Variants in PCDHA12 observed in about 807,000 individuals in gnomAD.
The protein encoded by PCDHA12 is protocadherin alpha-12.
Under a neutral mutation model 60.0 loss-of-function variants are expected in PCDHA12, and 44 were observed. The ratio of observed to expected loss-of-function variants is 0.73; its 90% CI spans 0.58 to 0.94. PCDHA12 has a LOEUF of 0.94. Among genes scored for constraint, PCDHA12 ranks in the 40% least tolerant of loss-of-function variants. PCDHA12 has a pLI of 0.00. For missense variants in PCDHA12, 1,276 were observed against 1,239.7 expected (o/e 1.03, Z -0.44); for synonymous variants, 569 against 553.0 (o/e 1.03, Z -0.40).
chr5:140,961,622 A>G (rs2095624628), intron 1 of PCDHA12, among the ~76,000 whole-genome samples: 1 of 152,218 alleles, frequency 6.6e-6, no homozygotes, highest in Non-Finnish European at 1.5e-5. Flanking sequence ...AAGTGCCCAT[A>G]TGAAAAACAA....
intron 1 of PCDHA12, chr5:140,883,898 C>A (rs781898009): frequency 6.2e-7 from 1 of 1,613,344 alleles, no homozygotes; most frequent in South Asian, 1.1e-5. Flanking sequence ...TGGCGTGCCG[C>A]CTCTGGGCAG....
chr5:140,951,243 A>G (rs1192486913), intron 1 of PCDHA12, among the ~76,000 whole-genome samples: 3 of 152,172 alleles, frequency 2.0e-5, no homozygotes, highest in Non-Finnish European at 4.4e-5. Context: ...ACCTTTAGGA[A>G]TGCATCACAT....
chr5:141,005,701 CA>C (rs59860837), intron 3 of PCDHA12, among the ~76,000 whole-genome samples: 201 of 7,776 alleles, frequency 0.026, no homozygotes, highest in African/African-American at 0.052. Flanking sequence ...AACTCCGTCT[CA>C]AAAAAAAAAA....
At position 140,876,440 on chromosome 5, in the gene PCDHA12, T is replaced by C. The variant is rs369023443; in HGVS notation, c.968T>C (p.Ile323Thr). 23 of 1,613,876 alleles carry C rather than the reference T, an allele frequency of 1.4e-5. No individual in the cohort carries two copies. In the Admixed American group the frequency reaches 1.5e-4, roughly 11 times the overall value. The change falls in exon 1 of 4, where the codon ATT (isoleucine) becomes ACT (threonine). Residue 323 changes from isoleucine (I) to threonine (T), a missense_variant. Transcript: ENST00000398631. ...GCCTATGAAATTCAGGTTAACGCCA[T>C]TGATAAAGGGATTCCTTCCATGGCA... ...NNAYEIQVNA[I>T]DKGIPSMAGH... is the part of the protein sequence containing the mutation.
At chr5:140,896,012 T>C (rs1554186792) in intron 1 of PCDHA12, among the ~76,000 whole-genome samples, 3 of 152,162 alleles carry the variant, frequency 2.0e-5, no homozygotes, top group African/African-American at 7.2e-5. Context: ...GGTTTCTCCA[T>C]GTTGGCCAGG....
chr5:140,948,315 G>A (rs246048), intron 1 of PCDHA12, among the ~76,000 whole-genome samples: 85,363 of 151,182 alleles, frequency 0.56, 24,689 homozygotes, highest in African/African-American at 0.69. Context: ...TTCTTGAGGG[G>A]TAATGTTTTC....
intron 1 of PCDHA12, among the ~76,000 whole-genome samples, chr5:140,912,129 A>C (rs2075781767): frequency 6.6e-6 from 1 of 152,156 alleles, no homozygotes; most frequent in Admixed American, 6.6e-5. Flanking sequence ...AGTCAGTCTA[A>C]TCTCTCCATG....
chr5:140,891,409 C>A (rs1295005747), intron 1 of PCDHA12, among the ~76,000 whole-genome samples: 1 of 148,202 alleles, frequency 6.7e-6, no homozygotes. Flanking sequence ...CGCCACCCCC[C>A]ACTCTTGCCC....
At chr5:140,924,901 A>AAAAATAAAAT (rs10667761) in intron 1 of PCDHA12, among the ~76,000 whole-genome samples, 205 of 80,488 alleles carry the variant, frequency 2.5e-3, no homozygotes, top group South Asian at 0.019. Flanking sequence ...TCTCAAAAAA[A>AAAAATAAAAT]AAAATAAAAT....
intron 1 of PCDHA12, among the ~76,000 whole-genome samples, chr5:140,938,097 A>AT (rs775272450): frequency 6.6e-6 from 1 of 151,930 alleles, no homozygotes; most frequent in Non-Finnish European, 1.5e-5. Flanking sequence ...TTATTATTGT[A>AT]TTTTTTACTT....
At position 140,875,648 on chromosome 5, in the gene PCDHA12, T is replaced by C; in HGVS notation, c.176T>C (p.Leu59Pro). 1 of 1,613,728 alleles carries C rather than the reference T, an allele frequency of 6.2e-7. No homozygotes were observed. Among genetic ancestry groups the C allele is most frequent in the Non-Finnish European group, 8.5e-7 (1 of 1,180,000 alleles). The change falls in exon 1 of 4, where the codon CTG (leucine) becomes CCG (proline). Residue 59 changes from leucine (L) to proline (P), a missense_variant. Leu to Pro is a moderately conservative substitution (Grantham distance 98). Transcript: ENST00000398631. ...GACCTGGGGCTGGAGCTGGCGGAGC[T>C]GGTGCCGCGCCTGTTCCGGGTGGCG... ...AQDLGLELAE[L>P]VPRLFRVASK...
At position 140,969,614 on chromosome 5, in the gene PCDHA12, T is replaced by G. The variant is rs56144348; in HGVS notation, c.2368-9335T>G. The G allele has an allele frequency of 1.3e-3, 977 of 725,126 alleles. 8 individuals are homozygous for G. In the African/African-American group the frequency reaches 0.016, roughly 12 times the overall value. 44.9% of individuals were successfully genotyped at this position (725,126 alleles called of 1,614,324 possible). A position where few individuals can be genotyped will look rare whatever the true frequency, so the allele number is the denominator to read the frequency against. ...AATATTTAATGCTAAAACACAGATT[T>G]GTAGAGAAACAGGACAGGCCTTGGA... On this transcript the variant is annotated intron_variant, in intron 1 of 3. Transcript: ENST00000398631.
rs906170025 is a variant in PCDHA12 at position 140,935,893 on chromosome 5, T to C, written c.2368-43056T>C. Among the ~76,000 whole-genome samples, 23 of 129,968 alleles carry C rather than the reference T, an allele frequency of 1.8e-4. 1 individual carries two copies. In the Admixed American group the frequency reaches 1.8e-3, roughly 10 times the overall value. The allele number at this position is 129,968 out of a possible 152,430, so 85.3% of individuals were successfully genotyped here. A position where few individuals can be genotyped will look rare whatever the true frequency, so the allele number is the denominator to read the frequency against. ...AATGAGCTCCAATTTATCAATATTA[T>C]CTTTTTTTTTTTTTTTTGAGACAGA... On this transcript the variant is annotated intron_variant, in intron 1 of 3. Transcript: ENST00000398631.
intron 1 of PCDHA12, among the ~76,000 whole-genome samples, chr5:140,889,581 T>C (rs566040851): frequency 3.0e-4 from 45 of 152,324 alleles, no homozygotes; most frequent in Non-Finnish European, 4.3e-4. Flanking sequence ...ATTTTTGTTT[T>C]TGCTTTGAAA....
chr5:140,955,215 C>A (rs1313314138), intron 1 of PCDHA12, among the ~76,000 whole-genome samples: 1 of 152,148 alleles, frequency 6.6e-6, no homozygotes, highest in Non-Finnish European at 1.5e-5. Flanking sequence ...TAGCATGATG[C>A]CTCCAGCTTT....
intron 1 of PCDHA12, 115 bp downstream of exon 1, chr5:140,877,954 T>C: frequency 7.5e-7 from 1 of 1,334,236 alleles, no homozygotes; most frequent in Non-Finnish European, 9.8e-7. Context: ...ATCGAATGTC[T>C]CATCTTTCTT....
At chr5:140,919,012 C>T (rs1411489160) in intron 1 of PCDHA12, among the ~76,000 whole-genome samples, 1 of 152,164 alleles carries the variant, frequency 6.6e-6, no homozygotes, top group Non-Finnish European at 1.5e-5. Flanking sequence ...CTTTCATTTC[C>T]TAGTGATCTT....
chr5:140,942,108 A>C (rs2093230471), intron 1 of PCDHA12, among the ~76,000 whole-genome samples: 1 of 152,238 alleles, frequency 6.6e-6, no homozygotes. Context: ...TCATATAATC[A>C]AACTTTATTA....
chr5:140,883,231 G>A, intron 1 of PCDHA12: 1 of 1,613,930 alleles, frequency 6.2e-7, no homozygotes, highest in Non-Finnish European at 8.5e-7. Context: ...TATCCGTGGA[G>A]GCAGTTGACA....
Sources: allele counts gnomAD v4.1 joint callset (sites outside exome capture counted in the v4.1 genomes callset), GRCh38; gene constraint gnomAD v4.1.1; transcripts MANE v1.5; gene names NCBI Gene and HGNC (gene_info 2026-07-23, HGNC 2026-07-21).